Variants in LINC00237 observed in about 807,000 individuals in gnomAD.
LINC00237 encodes long independently transcribed non-coding RNA 237.
rs142326953 is a variant in LINC00237, at chr20:21,094,823, G to A, written n.89-971C>T. On this transcript the variant is annotated intron_variant and non_coding_transcript_variant, in intron 1 of 3. Transcript: ENST00000691244. ...CCAGCACTTTGGGAGGCCAAGGTGG[G>A]CCGATCACTTGACGTCAGGAGTTTG... Among the ~76,000 whole-genome samples, 977 of 152,350 alleles carry A rather than the reference G, an allele frequency of 6.4e-3. 6 individuals carry two copies. The highest frequency in any genetic ancestry group is 0.02 in the South Asian group (97 of 4,826).
rs2030988302 is a variant in LINC00237 at position 21,105,584 on chromosome 20, C to A, written n.88+687G>T. Among the ~76,000 whole-genome samples the A allele has an allele frequency of 2.0e-5, 3 of 152,286 alleles. No individual in the cohort carries two copies. In the South Asian group the frequency reaches 6.2e-4, roughly 32 times the overall value. On this transcript the variant is annotated intron_variant and non_coding_transcript_variant, in intron 1 of 3. Coordinates refer to ENST00000691244, the Ensembl canonical transcript of LINC00237. ...GCCCCCTCACCCGGCGAGGGCCCTGCGCTCACACTTCTTCCAGGGGAAGGA... is the reference window on the plus strand; with the variant it reads ...GCCCCCTCACCCGGCGAGGGCCCTGAGCTCACACTTCTTCCAGGGGAAGGA...
chr20:21,103,469 T>G (rs978436006), intron 1 of LINC00237, among the ~76,000 whole-genome samples: 1 of 152,204 alleles, frequency 6.6e-6, no homozygotes, highest in Non-Finnish European at 1.5e-5. Context: ...GCCCATCATA[T>G]TGCCCTGAAA....
At chr20:21,095,719 T>C (rs571655733) in intron 1 of LINC00237, among the ~76,000 whole-genome samples, 55 of 152,214 alleles carry the variant, frequency 3.6e-4, no homozygotes, top group Non-Finnish European at 6.9e-4. Flanking sequence ...CCATAGGAGA[T>C]GCTGTCAGTG....
intron 1 of LINC00237, among the ~76,000 whole-genome samples, chr20:21,096,194 A>G (rs545959312): frequency 6.6e-6 from 1 of 152,336 alleles, no homozygotes; most frequent in Non-Finnish European, 1.5e-5. Context: ...GTGCTATAAC[A>G]AAATGAACCA....
rs1270608822 is a variant in LINC00237, at chr20:21,101,200, T to C, written n.88+5071A>G. On this transcript the variant is annotated intron_variant and non_coding_transcript_variant, in intron 1 of 3. Transcript: ENST00000691244. This position sits in a 1 kb window ranked among gnomAD's most constrained non-coding sequence, Gnocchi z 4.3. ...CGGAGGAGAACACGGTTACAGCCCC[T>C]CGGCCGGGAATCCGACAGGGGAACA... 6.6e-6 allele frequency among the ~76,000 whole-genome samples: 1 copy of C among 152,094 alleles called. No individual in the cohort carries two copies.
intron 1 of LINC00237, among the ~76,000 whole-genome samples, chr20:21,105,175 C>T (rs2122187279): frequency 6.6e-6 from 1 of 152,306 alleles, no homozygotes; most frequent in African/African-American, 2.4e-5. Flanking sequence ...ATGCCATTTC[C>T]CAGCTGAAAA....
At chr20:21,105,290 C>A (rs2030984757) in intron 1 of LINC00237, among the ~76,000 whole-genome samples, 1 of 151,398 alleles carries the variant, frequency 6.6e-6, no homozygotes, top group African/African-American at 2.4e-5. Context: ...GTCCCCCGCC[C>A]CCCACCCCAA....
At chr20:21,094,203 A>G (rs2122173849) in intron 1 of LINC00237, among the ~76,000 whole-genome samples, 1 of 152,314 alleles carries the variant, frequency 6.6e-6, no homozygotes, top group South Asian at 2.1e-4. Flanking sequence ...ACTAGAAATG[A>G]GTTCTACTGA....
At chr20:21,100,671 G>A (rs1285374686) in intron 1 of LINC00237, among the ~76,000 whole-genome samples, 1 of 152,160 alleles carries the variant, frequency 6.6e-6, no homozygotes, top group Non-Finnish European at 1.5e-5. Flanking sequence ...AATCCCGGGT[G>A]GGCCGAAATA....
intron 1 of LINC00237, among the ~76,000 whole-genome samples, chr20:21,099,678 G>C (rs1167934327): frequency 6.6e-6 from 1 of 152,038 alleles, no homozygotes; most frequent in African/African-American, 2.4e-5. Context: ...TATATATAAG[G>C]GTTAGAGTTA....
chr20:21,102,139 C>A (rs941272239), intron 1 of LINC00237, among the ~76,000 whole-genome samples: 2 of 152,250 alleles, frequency 1.3e-5, no homozygotes, highest in African/African-American at 4.8e-5. Context: ...CAGCTGTTTG[C>A]GAACAGAGAC....
intron 3 of LINC00237, among the ~76,000 whole-genome samples, chr20:21,087,267 C>T (rs967549087): frequency 8.6e-5 from 13 of 152,020 alleles, no homozygotes; most frequent in African/African-American, 3.1e-4. Flanking sequence ...TCTTTTCCTT[C>T]TTTCCTTGCC....
At chr20:21,105,335 T>C (rs1371188156) in intron 1 of LINC00237, among the ~76,000 whole-genome samples, 2 of 134,762 alleles carry the variant, frequency 1.5e-5, no homozygotes, top group African/African-American at 5.5e-5. Flanking sequence ...GGGACATCCC[T>C]ACCTGTCGAG....
At chr20:21,099,358 TGAAA>T (rs1398986939) in intron 1 of LINC00237, among the ~76,000 whole-genome samples, 5 of 152,302 alleles carry the variant, frequency 3.3e-5, no homozygotes, top group African/African-American at 1.2e-4. Flanking sequence ...GGGAGAAAAG[TGAAA>T]GATTCAAGAA....
chr20:21,090,504 G>C (rs1054162993), intron 2 of LINC00237: 3 of 152,188 alleles, frequency 2.0e-5, no homozygotes, highest in Non-Finnish European at 4.4e-5. Context: ...CAGGCAGTCT[G>C]ACACCGGGGT....
chr20:21,086,459 C>T (rs1452014373), intron 3 of LINC00237, among the ~76,000 whole-genome samples: 1 of 149,442 alleles, frequency 6.7e-6, no homozygotes, highest in Non-Finnish European at 1.5e-5. Context: ...TCACAAGTAT[C>T]TATATCTATA....
intron 1 of LINC00237, among the ~76,000 whole-genome samples, chr20:21,096,908 T>G (rs1004436522): frequency 1.3e-5 from 2 of 152,192 alleles, no homozygotes; most frequent in Non-Finnish European, 2.9e-5. Context: ...GTGGTACAGA[T>G]TTTTAGATGC....
At position 21,086,607 on chromosome 20, in the gene LINC00237, GTATATATAGTATACTATATATAGTATAC is replaced by G. The variant is rs1437442208; in HGVS notation, n.560-747_560-720del. On this transcript the variant is annotated intron_variant and non_coding_transcript_variant, in intron 3 of 3. Transcript: ENST00000691244. ...ATATAGTATACACTAGTATATATAT[GTATATATAGTATACTATATATAGTATAC>G]TATATATAGTATACTATATATGTAT... is the stretch of plus-strand genomic sequence containing the variant. 6.4e-5 allele frequency among the ~76,000 whole-genome samples: 3 copies of G among 46,942 alleles called. No homozygotes were observed. In the Admixed American group the frequency reaches 6.8e-4, roughly 11 times the overall value. The allele number at this position is 46,942 out of a possible 152,430, so 30.8% of individuals were successfully genotyped here. A position where few individuals can be genotyped will look rare whatever the true frequency, so the allele number is the denominator to read the frequency against.
chr20:21,092,173 T>C (rs1402487842), intron 2 of LINC00237, among the ~76,000 whole-genome samples: 1 of 152,218 alleles, frequency 6.6e-6, no homozygotes, highest in Admixed American at 6.5e-5. Flanking sequence ...TGTACTATTA[T>C]CAACCAATAA....
Sources: allele counts gnomAD v4.1 joint callset (sites outside exome capture counted in the v4.1 genomes callset), GRCh38; gene constraint gnomAD v4.1.1; non-coding constraint Gnocchi (gnomAD v3.1); transcripts MANE v1.5; gene names NCBI Gene and HGNC (gene_info 2026-07-23, HGNC 2026-07-21).